Variants in CDC14B observed in about 807,000 individuals in gnomAD.
The protein encoded by CDC14B is cell division cycle 14B.
CDC14B carries 22 observed loss-of-function variants against 64.2 expected under a neutral mutation model. The observed-to-expected ratio is 0.34, with a 90% CI of 0.24 to 0.49. The LOEUF is 0.49. Among genes scored for constraint, CDC14B ranks in the 20% least tolerant of loss-of-function variants. CDC14B has a pLI of 0.99. For synonymous variants in CDC14B, 191 were observed against 215.8 expected, an observed-to-expected ratio of 0.89 and a Z score of 1.01; for missense variants, 498 against 629.9, an observed-to-expected ratio of 0.79 and a Z score of 2.24.
chr9:96,608,919 AC>A (rs1314375895), intron 1 of CDC14B, among the ~76,000 whole-genome samples: 94 of 151,356 alleles, frequency 6.2e-4, no homozygotes, highest in African/African-American at 6.6e-4. Context: ...ACACACACAC[AC>A]ACACACGAAA....
At position 96,572,790 on chromosome 9, in the gene CDC14B, G is replaced by A. The variant is rs1268574407; in HGVS notation, c.161-7307C>T. 9.2e-5 allele frequency among the ~76,000 whole-genome samples: 14 copies of A among 152,288 alleles called. No individual in the cohort carries two copies. In the East Asian group the frequency reaches 1.3e-3, roughly 15 times the overall value. ...TGGAGCTAAAAGAGAACTTCCTTAA[G>A]CTGATAAAGACTGTTCCAACAGCCA... On this transcript the variant is annotated intron_variant, in intron 1 of 13. Coordinates refer to ENST00000375241, the MANE Select transcript of CDC14B (RefSeq NM_033331.4).
intron 1 of CDC14B, among the ~76,000 whole-genome samples, chr9:96,595,725 G>A (rs1462173846): frequency 1.3e-5 from 2 of 152,128 alleles, no homozygotes; most frequent in Admixed American, 6.5e-5. Flanking sequence ...CAAATAGTAC[G>A]ATCTCATTTA....
intron 12 of CDC14B, among the ~76,000 whole-genome samples, chr9:96,513,409 G>A (rs1014609399): frequency 2.0e-5 from 3 of 152,230 alleles, no homozygotes; most frequent in Admixed American, 6.5e-5. Context: ...CCGGGCACTC[G>A]CGGCCTTCTG....
At chr9:96,555,973 A>T (rs1179120357) in intron 4 of CDC14B, among the ~76,000 whole-genome samples, 6 of 152,150 alleles carry the variant, frequency 3.9e-5, no homozygotes, top group Non-Finnish European at 8.8e-5. Flanking sequence ...AAGCAACAGA[A>T]GCAACAGGAT....
chr9:96,492,487 T>A (rs912372201), exon 14 of CDC14B: 3 of 152,530 alleles, frequency 2.0e-5, no homozygotes, highest in African/African-American at 7.2e-5. Context: ...CTGACACCTG[T>A]AATCCCAGCA....
chr9:96,601,167 A>C (rs1846422232), intron 1 of CDC14B, among the ~76,000 whole-genome samples: 1 of 152,142 alleles, frequency 6.6e-6, no homozygotes, highest in East Asian at 1.9e-4. Flanking sequence ...CTCTATAGAC[A>C]TATCTGTGTA....
intron 1 of CDC14B, among the ~76,000 whole-genome samples, chr9:96,600,870 A>G (rs1353954066): frequency 2.6e-5 from 4 of 152,136 alleles, no homozygotes; most frequent in Non-Finnish European, 1.5e-5. Context: ...TGGTGTCCAC[A>G]ACTCCTAAAA....
chr9:96,596,550 G>C (rs1377635843), intron 1 of CDC14B, among the ~76,000 whole-genome samples: 1 of 152,000 alleles, frequency 6.6e-6, no homozygotes, highest in African/African-American at 2.4e-5. Flanking sequence ...CAAATGAAAA[G>C]AGAAGGGAAA....
intron 12 of CDC14B, among the ~76,000 whole-genome samples, chr9:96,520,561 G>C (rs2131500408): frequency 1.3e-5 from 2 of 152,246 alleles, no homozygotes; most frequent in South Asian, 2.1e-4. Context: ...GTGACTAAAG[G>C]AAATTTCCTA....
At chr9:96,587,451 T>C (rs1401749891) in intron 1 of CDC14B, among the ~76,000 whole-genome samples, 1 of 152,188 alleles carries the variant, frequency 6.6e-6, no homozygotes, top group African/African-American at 2.4e-5. Flanking sequence ...TAGTGTTCCT[T>C]CTGCCTTGAG....
chr9:96,527,895 G>A (rs900801337), intron 9 of CDC14B, among the ~76,000 whole-genome samples: 3 of 151,974 alleles, frequency 2.0e-5, no homozygotes, highest in African/African-American at 7.2e-5. Flanking sequence ...GATTACAGGC[G>A]TGAGCCACCG....
chr9:96,526,741 T>C (rs1837623836), intron 9 of CDC14B, among the ~76,000 whole-genome samples: 1 of 152,158 alleles, frequency 6.6e-6, no homozygotes, highest in African/African-American at 2.4e-5. Context: ...AGTACTAACA[T>C]TTGAGGCTGG....
At chr9:96,539,029 A>G in intron 7 of CDC14B, 49 bp downstream of exon 7, 2 of 1,199,318 alleles carry the variant, frequency 1.7e-6, no homozygotes, top group Non-Finnish European at 2.5e-6. Flanking sequence ...CCCTCAATAA[A>G]GCTGGGCGGG....
Position 96,523,874 on chromosome 9 carries a change from G to A in CDC14B, c.947-149C>T. On this transcript the variant is annotated intron_variant, in intron 9 of 13. Coordinates refer to ENST00000375241, the MANE Select transcript of CDC14B (RefSeq NM_033331.4). ...GCTGGTTACACTCTGGAATCACCTA[G>A]AGAGGTTTTTAAATACTGATGCCCG... is the stretch of plus-strand genomic sequence containing the variant. 4.2e-6 allele frequency: 3 copies of A among 716,424 alleles called. No homozygotes were observed. The East Asian group carries it at 8.2e-5, about 20-fold the overall frequency. The allele number at this position is 716,424 out of a possible 1,614,324, so 44.4% of individuals were successfully genotyped here. A position where few individuals can be genotyped will look rare whatever the true frequency, so the allele number is the denominator to read the frequency against.
chr9:96,588,638 C>A (rs1391554355), intron 1 of CDC14B, among the ~76,000 whole-genome samples: 2 of 152,146 alleles, frequency 1.3e-5, no homozygotes, highest in Non-Finnish European at 2.9e-5. Context: ...AGGGACACAA[C>A]ACCATACCTG....
chr9:96,521,608 G>C (rs968229205), intron 12 of CDC14B, among the ~76,000 whole-genome samples: 1 of 152,086 alleles, frequency 6.6e-6, no homozygotes, highest in Non-Finnish European at 1.5e-5. Context: ...TTTTTATGAC[G>C]AGACACTAGT....
chr9:96,567,221 G>T, intron 1 of CDC14B: 1 of 210,392 alleles, frequency 4.8e-6, no homozygotes, highest in East Asian at 1.3e-4. Flanking sequence ...GTCTGGGAAA[G>T]CTCCTTAGCG....
intron 13 of CDC14B, among the ~76,000 whole-genome samples, chr9:96,494,530 T>C (rs967202244): frequency 7.0e-6 from 1 of 142,022 alleles, no homozygotes; most frequent in African/African-American, 3.0e-5. Flanking sequence ...GCACATCTCC[T>C]GTTGCTCCTG....
At chr9:96,552,926 A>G (rs1403858770) in intron 4 of CDC14B, among the ~76,000 whole-genome samples, 1 of 152,230 alleles carries the variant, frequency 6.6e-6, no homozygotes, top group East Asian at 1.9e-4. Flanking sequence ...TCACTAATAA[A>G]AAAAAAGAAA....
Sources: gnomAD v4.1 joint callset for allele counts (sites outside exome capture counted in the v4.1 genomes callset) on GRCh38, gnomAD v4.1.1 for gene constraint, MANE v1.5 for transcripts, NCBI Gene and HGNC (gene_info 2026-07-23, HGNC 2026-07-21) for gene names.